ARSJ: variants seen among roughly 807,000 people sequenced by gnomAD.
ARSJ encodes arylsulfatase family member J.
In ARSJ, 26 loss-of-function variants were observed where a neutral mutation model predicts 35.9. The ratio of observed to expected loss-of-function variants is 0.72; its 90% CI spans 0.53 to 1.00. The LOEUF is 1.00. ARSJ is among the 50% of genes least tolerant of loss of function. The pLI, the probability that ARSJ is intolerant of heterozygous loss-of-function variation, is 0.00. For missense variants in ARSJ, 667 were observed against 723.6 expected, an observed-to-expected ratio of 0.92 and a Z score of 0.90; for synonymous variants, 294 against 267.6, an observed-to-expected ratio of 1.10 and a Z score of -0.96.
At chr4:113,909,547 A>T (rs2149250974) in intron 1 of ARSJ, among the ~76,000 whole-genome samples, 1 of 152,240 alleles carries the variant, frequency 6.6e-6, no homozygotes, top group African/African-American at 2.4e-5. Context: ...TTCTCGTGAT[A>T]GTAAGTTCTC....
At chr4:113,923,958 T>C (rs72664869) in intron 1 of ARSJ, among the ~76,000 whole-genome samples, 22,437 of 148,612 alleles carry the variant, frequency 0.15, 2,313 homozygotes, top group Middle Eastern at 0.31. Flanking sequence ...ATTTGTCTTC[T>C]CTGTGCTTTA....
At chr4:113,936,572 A>AG (rs1194062934) in intron 1 of ARSJ, among the ~76,000 whole-genome samples, 3 of 151,918 alleles carry the variant, frequency 2.0e-5, no homozygotes, top group Non-Finnish European at 4.4e-5. Context: ...GTTTAAAAAA[A>AG]ATTTAGTTCT....
rs756699948 is a variant in ARSJ at position 113,902,813 on chromosome 4, T to C, written c.1261A>G (p.Asn421Asp). ...GCCTTGGTGTATATGGGGTCAATGT[T>C]ATGCAAAATATCTACTCGGGGTGAG... The part of the protein sequence containing the change: ...LRSPRVDILH[N>D]IDPIYTKAKN... Residue 421 changes from asparagine (N) to aspartate (D), a missense_variant, in exon 2 of 2, where the codon AAC (asparagine) becomes GAC (aspartate). By Grantham distance (23) the Asn-to-Asp change is conservative. Coordinates refer to ENST00000315366, the MANE Select transcript of ARSJ (RefSeq NM_024590.4). The C allele has an allele frequency of 6.2e-7, 1 of 1,614,144 alleles. No individual in the cohort carries two copies. Among genetic ancestry groups the C allele is most frequent in the East Asian group, 2.2e-5 (1 of 44,880 alleles).
intron 1 of ARSJ, among the ~76,000 whole-genome samples, chr4:113,933,740 G>A (rs1000965811): frequency 2.6e-5 from 4 of 151,754 alleles, no homozygotes; most frequent in East Asian, 1.9e-4. Flanking sequence ...TAATAAAAGC[G>A]ATACATATGA....
intron 1 of ARSJ, among the ~76,000 whole-genome samples, chr4:113,948,577 A>AT (rs11381039): frequency 0.62 from 94,520 of 151,784 alleles, 29,642 homozygotes; most frequent in Middle Eastern, 0.71. Flanking sequence ...ATATTCTAGA[A>AT]TTTTTTTTCC....
Position 113,902,389 on chromosome 4 carries a change from T to C in ARSJ, c.1685A>G (p.Lys562Arg). The change falls in exon 2 of 2, where the codon AAG (lysine) becomes AGG (arginine). Residue 562 changes from lysine (K) to arginine (R), a missense_variant. Lys to Arg is a conservative substitution (Grantham distance 26). Transcript: ENST00000315366. Reference protein sequence around the residue: ...GPWYKEETKKKKPSKNQAEKK... With the variant: ...GPWYKEETKKRKPSKNQAEKK... ...CTCAGCCTGATTTTTGCTTGGCTTC[T>C]TTTTCTTGGTTTCCTCTTTATACCA... The C allele has an allele frequency of 6.2e-7, 1 of 1,613,908 alleles. No homozygotes were observed. The highest frequency in any genetic ancestry group is 1.3e-5 in the African/African-American group (1 of 75,020).
chr4:113,924,633 A>G, intron 1 of ARSJ, among the ~76,000 whole-genome samples: 1 of 152,166 alleles, frequency 6.6e-6, no homozygotes, highest in East Asian at 1.9e-4. Flanking sequence ...CCAGAAGTGC[A>G]CTAATCCCCA....
At chr4:113,924,663 A>C (rs1723939471) in intron 1 of ARSJ, among the ~76,000 whole-genome samples, 1 of 152,202 alleles carries the variant, frequency 6.6e-6, no homozygotes, top group African/African-American at 2.4e-5. Context: ...TATTACATAA[A>C]GTTTCAACAA....
intron 1 of ARSJ, among the ~76,000 whole-genome samples, chr4:113,952,339 T>C (rs796357299): frequency 2.0e-5 from 3 of 152,242 alleles, no homozygotes; most frequent in African/African-American, 7.2e-5. Context: ...ACTTGATTTT[T>C]TAAAATCAGG....
intron 1 of ARSJ, among the ~76,000 whole-genome samples, chr4:113,918,800 A>C (rs534320552): frequency 6.6e-6 from 1 of 151,990 alleles, no homozygotes; most frequent in African/African-American, 2.4e-5. Flanking sequence ...AATTATTATT[A>C]TTATTATTTT....
chr4:113,921,947 G>A (rs962099399), intron 1 of ARSJ, among the ~76,000 whole-genome samples: 3 of 152,136 alleles, frequency 2.0e-5, no homozygotes, highest in Non-Finnish European at 4.4e-5. Flanking sequence ...TTCTCAAATA[G>A]TTCTAAGAAG....
intron 1 of ARSJ, chr4:113,946,199 T>A (rs947325696): frequency 2.6e-5 from 4 of 152,052 alleles, no homozygotes; most frequent in African/African-American, 9.7e-5. Context: ...CACTTTTTCA[T>A]CTGCCTGCTT....
At chr4:113,946,167 C>T (rs1196311603) in intron 1 of ARSJ, 1 of 152,020 alleles carries the variant, frequency 6.6e-6, no homozygotes, top group African/African-American at 2.4e-5. Flanking sequence ...TCCCTTCATC[C>T]TTTTCTAGTT....
chr4:113,936,251 T>C, intron 1 of ARSJ, among the ~76,000 whole-genome samples: 1 of 151,872 alleles, frequency 6.6e-6, no homozygotes, highest in East Asian at 1.9e-4. Context: ...TTCACTATTA[T>C]AAACAAGAAA....
intron 1 of ARSJ, among the ~76,000 whole-genome samples, chr4:113,927,625 T>C (rs1470652967): frequency 2.0e-5 from 3 of 152,204 alleles, no homozygotes; most frequent in African/African-American, 7.2e-5. Context: ...AGTGGCTGCA[T>C]ACCAGGTACC....
intron 1 of ARSJ, among the ~76,000 whole-genome samples, chr4:113,904,496 T>G (rs79336501): frequency 6.6e-6 from 1 of 152,080 alleles, no homozygotes; most frequent in African/African-American, 2.4e-5. Flanking sequence ...AGTTCATTCT[T>G]TTTTTTGAGA....
rs202181542 is a variant in ARSJ at position 113,902,311 on chromosome 4, G to C, written c.1763C>G (p.Ser588Ter). The C allele has an allele frequency of 1.4e-5, 22 of 1,612,576 alleles. No individual in the cohort carries two copies. Among genetic ancestry groups the C allele is most frequent in the East Asian group, 2.2e-5 (1 of 44,900 alleles). Residue 588 changes from serine (S) to a stop codon, truncating the protein, a stop_gained, in exon 2 of 2, where the codon TCA becomes TGA. Coordinates refer to ENST00000315366, the MANE Select transcript of ARSJ (RefSeq NM_024590.4). LOFTEE classifies it high-confidence loss of function. Reference protein sequence around the residue: ...KKKKKQQKAVSGSTCHSGVTC... With the variant: ...KKKKKQQKAV ...AACACCTGAATGGCAAGTTGAACCT[G>C]AGACTGCTTTCTGCTGTTTCTTCTT...
chr4:113,965,375 A>C (rs1726826269), intron 1 of ARSJ, among the ~76,000 whole-genome samples: 1 of 152,094 alleles, frequency 6.6e-6, no homozygotes, highest in Admixed American at 6.6e-5. Context: ...GGGATAACAA[A>C]CCCATCCTGT....
At chr4:113,976,951 T>TC (rs1727627358) in intron 1 of ARSJ, among the ~76,000 whole-genome samples, 3 of 152,356 alleles carry the variant, frequency 2.0e-5, no homozygotes, top group South Asian at 4.1e-4. Context: ...ATTTTCTTGT[T>TC]TGGTGAAAAG....
Sources: gnomAD v4.1 joint callset for allele counts (sites outside exome capture counted in the v4.1 genomes callset) on GRCh38, gnomAD v4.1.1 for gene constraint, MANE v1.5 for transcripts, NCBI Gene and HGNC (gene_info 2026-07-23, HGNC 2026-07-21) for gene names.